The following CHLSN variants were observed in gnomAD, a reference collection of about 807,000 sequenced individuals.
The protein encoded by CHLSN is protein cholesin.
chr7:1,071,224 G>A, the CHLSN span, among the ~76,000 whole-genome samples: 1 of 152,238 alleles, frequency 6.6e-6, no homozygotes, highest in Admixed American at 6.5e-5. Context: ...CCTCCCGCAC[G>A]TCAGCAGCAG....
the CHLSN span, among the ~76,000 whole-genome samples, chr7:1,076,849 C>T: frequency 6.6e-6 from 1 of 152,246 alleles, no homozygotes; most frequent in African/African-American, 2.4e-5. Flanking sequence ...TCTAGCCACA[C>T]TTCCTGCACA....
At chr7:1,099,466 C>T in the CHLSN span, among the ~76,000 whole-genome samples, 1 of 152,246 alleles carries the variant, frequency 6.6e-6, no homozygotes, top group African/African-American at 2.4e-5. Context: ...AGACGCCATC[C>T]AGCATTTATT....
At chr7:1,005,503 C>T in the CHLSN span, among the ~76,000 whole-genome samples, 4 of 152,224 alleles carry the variant, frequency 2.6e-5, no homozygotes, top group Non-Finnish European at 4.4e-5. Flanking sequence ...GGACAGGGGC[C>T]GGGTCTCATG....
chr7:1,004,132 G>A, the CHLSN span, among the ~76,000 whole-genome samples: 6 of 152,186 alleles, frequency 3.9e-5, no homozygotes, highest in East Asian at 9.6e-4. Context: ...CTCCAGGGAG[G>A]TTTAATTTTA....
chr7:1,009,888 C>G, the CHLSN span: 1 of 1,388,628 alleles, frequency 7.2e-7, no homozygotes. Flanking sequence ...AGGCTTCGAC[C>G]CCCTCAGGCA....
chr7:1,058,697 G>A, the CHLSN span: 8 of 602,120 alleles, frequency 1.3e-5, no homozygotes, highest in African/African-American at 7.5e-5. Flanking sequence ...TGTGGTCCCC[G>A]TGGCTGGCAT....
chr7:1,090,085 A>G, the CHLSN span, among the ~76,000 whole-genome samples: 1 of 152,168 alleles, frequency 6.6e-6, no homozygotes, highest in Admixed American at 6.5e-5. Flanking sequence ...AAAACATTCA[A>G]AACAATAACT....
the CHLSN span, among the ~76,000 whole-genome samples, chr7:1,011,906 A>G: frequency 7.2e-5 from 11 of 152,200 alleles, no homozygotes; most frequent in Non-Finnish European, 1.3e-4. Flanking sequence ...CCACACACAC[A>G]GGCAGGAAGC....
the CHLSN span, among the ~76,000 whole-genome samples, chr7:1,084,661 C>T: frequency 2.0e-5 from 3 of 152,198 alleles, no homozygotes; most frequent in Non-Finnish European, 4.4e-5. Flanking sequence ...CCAGCAGAGA[C>T]AAGGGGTGTG....
chr7:1,029,991 G>A, the CHLSN span, among the ~76,000 whole-genome samples: 2 of 152,202 alleles, frequency 1.3e-5, no homozygotes, highest in African/African-American at 2.4e-5. Flanking sequence ...CAGTGCTTCC[G>A]ATTTAGTGTC....
the CHLSN span, among the ~76,000 whole-genome samples, chr7:1,063,455 G>A: frequency 2.0e-5 from 3 of 152,190 alleles, no homozygotes; most frequent in East Asian, 1.9e-4. Flanking sequence ...CGTGTCCTAC[G>A]GGTTCCAGGC....
the CHLSN span, among the ~76,000 whole-genome samples, chr7:1,051,730 T>C: frequency 6.6e-6 from 1 of 152,132 alleles, no homozygotes; most frequent in African/African-American, 2.4e-5. Flanking sequence ...TCCCAGCACT[T>C]TGGGAGACTG....
At chr7:1,052,972 C>G in the CHLSN span, among the ~76,000 whole-genome samples, 1 of 152,150 alleles carries the variant, frequency 6.6e-6, no homozygotes, top group African/African-American at 2.4e-5. The surrounding 1 kb of genome is among the most constrained non-coding windows in gnomAD (Gnocchi z 4.2). Flanking sequence ...CTCCCAGCCT[C>G]TAAGTCTCCC....
At chr7:985,388 G>A in the CHLSN span, 1 of 1,515,094 alleles carries the variant, frequency 6.6e-7, no homozygotes, top group African/African-American at 1.4e-5. Context: ...GCAGCAGGAG[G>A]ACGGGGGCCC....
chr7:1,001,398 GGGAGTCCTGTGGGTGAGT>G, the CHLSN span, among the ~76,000 whole-genome samples: 6 of 143,552 alleles, frequency 4.2e-5, no homozygotes, highest in East Asian at 4.2e-4. Context: ...CCTGTGGGTG[GGGAGTCCTGTGGGTGAGT>G]GGAGTCCTGT....
chr7:986,633 G>T, the CHLSN span: 9 of 1,612,654 alleles, frequency 5.6e-6, no homozygotes, highest in Non-Finnish European at 7.6e-6. Flanking sequence ...GCTGTTCAAC[G>T]TCTACCCATG....
the CHLSN span, among the ~76,000 whole-genome samples, chr7:1,096,022 T>C: frequency 1.3e-5 from 2 of 152,122 alleles, no homozygotes; most frequent in African/African-American, 4.8e-5. This position sits in a 1 kb window ranked among gnomAD's most constrained non-coding sequence, Gnocchi z 4.6. Context: ...CAGGCATCAA[T>C]CAGGGACGGG....
chr7:1,052,890 C>T, the CHLSN span, among the ~76,000 whole-genome samples: 4 of 152,278 alleles, frequency 2.6e-5, no homozygotes, highest in South Asian at 4.1e-4. This position sits in a 1 kb window ranked among gnomAD's most constrained non-coding sequence, Gnocchi z 4.2. Context: ...AATCTTTCAT[C>T]GCCGCCACAA....
chr7:994,299 T>C, the CHLSN span, among the ~76,000 whole-genome samples: 1 of 151,654 alleles, frequency 6.6e-6, no homozygotes, highest in African/African-American at 2.4e-5. Context: ...CTGGGATCAC[T>C]ACAGGCGCCC....
Sources: gnomAD v4.1 joint callset for allele counts (sites outside exome capture counted in the v4.1 genomes callset) on GRCh38, gnomAD v4.1.1 for gene constraint, Gnocchi (gnomAD v3.1) non-coding constraint, MANE v1.5 for transcripts, NCBI Gene and HGNC (gene_info 2026-07-23, HGNC 2026-07-21) for gene names.